Variants in DAAM2 observed in about 807,000 individuals in gnomAD.
The protein encoded by DAAM2 is disheveled-associated activator of morphogenesis 2.
DAAM2 carries 39 observed loss-of-function variants against 120.7 expected under a neutral mutation model. That is an observed-to-expected ratio of 0.32 (90% CI 0.25 to 0.42). The LOEUF (loss-of-function observed/expected upper bound fraction) is 0.42, where lower values mean the gene tolerates loss of function less well. Ranked by LOEUF, DAAM2 falls within the 10% of genes least tolerant of loss-of-function variation. The pLI is 1.00. For missense variants in DAAM2, 1,283 were observed against 1,401.7 expected (o/e 0.92, Z 1.35); for synonymous variants, 488 against 524.9 (o/e 0.93, Z 0.96).
intron 1 of DAAM2, among the ~76,000 whole-genome samples, chr6:39,852,720 G>T (rs550605018): frequency 2.8e-4 from 43 of 152,342 alleles, no homozygotes; most frequent in African/African-American, 9.6e-4. Context: ...GGAAGCTGGG[G>T]CTTCAGAGGT....
chr6:39,808,346 T>C (rs1382359485), intron 1 of DAAM2, among the ~76,000 whole-genome samples: 2 of 152,202 alleles, frequency 1.3e-5, no homozygotes, highest in African/African-American at 4.8e-5. Flanking sequence ...GCTGTCCTTT[T>C]GATAAGGACA....
At position 39,873,283 on chromosome 6, in the gene DAAM2, C is replaced by T; in HGVS notation, c.1090C>T (p.His364Tyr). 1.2e-6 allele frequency: 2 copies of T among 1,613,576 alleles called. No homozygotes were observed. The highest frequency in any genetic ancestry group is 1.7e-6 in the Non-Finnish European group (2 of 1,179,778). Reference sequence around the variant, plus strand: ...TGCTTCCCAGATGTTTGAGTTGATCCACAAGAAGCTGAAGTACACGGAGGC... The same window carrying T: ...TGCTTCCCAGATGTTTGAGTTGATCTACAAGAAGCTGAAGTACACGGAGGC... Reference protein sequence around the residue: ...KSASQMFELIHKKLKYTEAYP... With the variant: ...KSASQMFELIYKKLKYTEAYP... Residue 364 changes from histidine (H) to tyrosine (Y), a missense_variant, in exon 10 of 25, where the codon CAC becomes TAC. Physicochemically the swap from His to Tyr is moderately conservative, Grantham distance 83 (BLOSUM62 2). This residue lies in a region of DAAM2 where 338 missense variants were observed against 443.9 expected (regional missense o/e 0.76). Transcript: ENST00000274867.
chr6:39,813,285 G>T (rs548336419), intron 1 of DAAM2, among the ~76,000 whole-genome samples: 3 of 152,160 alleles, frequency 2.0e-5, no homozygotes, highest in Non-Finnish European at 4.4e-5. Flanking sequence ...TTTTTGGGGT[G>T]GGGGTGAATC....
intron 1 of DAAM2, among the ~76,000 whole-genome samples, chr6:39,828,670 C>G (rs1762768647): frequency 6.6e-6 from 1 of 150,440 alleles, no homozygotes; most frequent in African/African-American, 2.4e-5. Context: ...TCAAGTGATT[C>G]TCCTTCCTCA....
chr6:39,869,907 G>C (rs1166051087), intron 7 of DAAM2, among the ~76,000 whole-genome samples: 1 of 151,932 alleles, frequency 6.6e-6, no homozygotes, highest in Non-Finnish European at 1.5e-5. Context: ...TGATTAGCTG[G>C]TAACCACACC....
At chr6:39,832,062 T>C (rs952201722) in intron 1 of DAAM2, among the ~76,000 whole-genome samples, 2 of 112,338 alleles carry the variant, frequency 1.8e-5, no homozygotes, top group African/African-American at 7.0e-5. Context: ...GGGACAGGTG[T>C]ACTGAGGGAG....
At chr6:39,814,930 A>G (rs375457066) in intron 1 of DAAM2, among the ~76,000 whole-genome samples, 3 of 152,324 alleles carry the variant, frequency 2.0e-5, no homozygotes, top group African/African-American at 2.4e-5. Context: ...CCACTCAGTC[A>G]TTGATATTGT....
chr6:39,837,041 A>G (rs994763764), intron 1 of DAAM2, among the ~76,000 whole-genome samples: 1 of 152,136 alleles, frequency 6.6e-6, no homozygotes, highest in Non-Finnish European at 1.5e-5. Context: ...CTAAGTCAAC[A>G]TCTCTGGGAG....
Position 39,883,571 on chromosome 6 carries a change from G to A in DAAM2, c.1846-391G>A, listed in dbSNP as rs143173312. 3.3e-3 allele frequency: 613 copies of A among 187,922 alleles called. 7 individuals are homozygous for A. The highest frequency in any genetic ancestry group is 0.013 in the African/African-American group (567 of 43,420). 11.6% of individuals were successfully genotyped at this position (187,922 alleles called of 1,614,324 possible). On this transcript the variant is annotated intron_variant, in intron 14 of 24. Transcript: ENST00000274867. ...TCCAATGATGGCTGCCAAGGACAGG[G>A]GTGACTCCAGGCAACCTGCCCTTTA...
chr6:39,830,577 A>G (rs1175779809), intron 1 of DAAM2, among the ~76,000 whole-genome samples: 1 of 152,120 alleles, frequency 6.6e-6, no homozygotes, highest in Non-Finnish European at 1.5e-5. Context: ...GGCCAGCAGG[A>G]GAGAGGGCCG....
chr6:39,856,117 G>C, intron 1 of DAAM2, 130 bp from the exon 2 acceptor site: 1 of 1,239,546 alleles, frequency 8.1e-7, no homozygotes. Context: ...CAGCGGGGTG[G>C]GTGGGGCTTT....
At chr6:39,840,986 G>C (rs1403505776) in intron 1 of DAAM2, among the ~76,000 whole-genome samples, 1 of 148,634 alleles carries the variant, frequency 6.7e-6, no homozygotes, top group African/African-American at 2.5e-5. Flanking sequence ...GGCTCCAGGA[G>C]GAGGGGATCT....
intron 1 of DAAM2, among the ~76,000 whole-genome samples, chr6:39,824,686 C>T (rs1217114959): frequency 6.6e-6 from 1 of 152,096 alleles, no homozygotes; most frequent in Admixed American, 6.5e-5. Context: ...GCAGGCAGGA[C>T]AAGCTGAGGG....
intron 1 of DAAM2, among the ~76,000 whole-genome samples, chr6:39,841,682 A>G (rs548124257): frequency 6.6e-6 from 1 of 152,110 alleles, no homozygotes; most frequent in South Asian, 2.1e-4. Context: ...GAGGAGGGAG[A>G]TCCCTTCAGT....
intron 1 of DAAM2, among the ~76,000 whole-genome samples, chr6:39,796,206 A>G (rs1003925728): frequency 1.2e-4 from 19 of 152,214 alleles, no homozygotes; most frequent in African/African-American, 4.3e-4. Context: ...GAGCAGCTGC[A>G]GGTCCTCTTG....
intron 1 of DAAM2, among the ~76,000 whole-genome samples, chr6:39,814,930 A>T (rs375457066): frequency 2.2e-4 from 34 of 152,206 alleles, no homozygotes; most frequent in Admixed American, 2.2e-3. Flanking sequence ...CCACTCAGTC[A>T]TTGATATTGT....
intron 1 of DAAM2, among the ~76,000 whole-genome samples, chr6:39,817,503 G>A (rs1762343596): frequency 6.6e-6 from 1 of 152,120 alleles, no homozygotes; most frequent in Admixed American, 6.5e-5. Context: ...CTGTTCTAAA[G>A]GAAAAGGGAG....
chr6:39,861,348 C>T (rs1764204458), intron 3 of DAAM2: 1 of 390,804 alleles, frequency 2.6e-6, no homozygotes, highest in Non-Finnish European at 4.9e-6. Context: ...ATGGACCATA[C>T]CTGGAGCAGC....
intron 1 of DAAM2, among the ~76,000 whole-genome samples, chr6:39,801,619 T>C (rs1761866253): frequency 6.6e-6 from 1 of 152,236 alleles, no homozygotes; most frequent in Non-Finnish European, 1.5e-5. Flanking sequence ...TGATGGGTGT[T>C]TGTTGCTTGC....
Sources: allele counts gnomAD v4.1 joint callset (sites outside exome capture counted in the v4.1 genomes callset), GRCh38; gene constraint gnomAD v4.1.1; regional missense constraint gnomAD v4.1.1; transcripts MANE v1.5; gene names NCBI Gene and HGNC (gene_info 2026-07-23, HGNC 2026-07-21).